ABCB4: variants seen among roughly 807,000 people sequenced by gnomAD.
The protein encoded by ABCB4 is phosphatidylcholine translocator ABCB4.
Under a neutral mutation model 145.7 loss-of-function variants are expected in ABCB4, and 76 were observed. The ratio of observed to expected loss-of-function variants is 0.52; its 90% CI spans 0.43 to 0.63. ABCB4 has a LOEUF of 0.63. Ranked by LOEUF, ABCB4 falls within the 30% of genes least tolerant of loss-of-function variation. The pLI is 0.00. For missense variants in ABCB4, 1,234 were observed against 1,553.1 expected (o/e 0.79, Z 3.45); for synonymous variants, 517 against 566.8 (o/e 0.91, Z 1.25).
chr7:87,458,870 T>C (rs45478992), intron 4 of ABCB4, among the ~76,000 whole-genome samples: 2,297 of 152,184 alleles, frequency 0.015, 61 homozygotes, highest in African/African-American at 0.052. Context: ...TTTATCTCTG[T>C]GTCAACCACA....
Position 87,447,024 on chromosome 7 carries a change from A to G in ABCB4, c.1005+10T>C, listed in dbSNP as rs1811388853. On this transcript the variant is annotated intron_variant, in intron 9 of 27. Coordinates refer to ENST00000649586, the MANE Select transcript of ABCB4 (RefSeq NM_000443.4). ...TCATATTCTTCATAAATGTTAGGAGAACTACTTACTGTCATTGCATTTCCA... is the reference window on the plus strand; with the variant it reads ...TCATATTCTTCATAAATGTTAGGAGGACTACTTACTGTCATTGCATTTCCA... 3 of 1,605,556 alleles carry G rather than the reference A, an allele frequency of 1.9e-6. No individual in the cohort carries two copies. Among genetic ancestry groups the G allele is most frequent in the Non-Finnish European group, 1.7e-6 (2 of 1,172,422 alleles).
At chr7:87,447,447 C>T (rs1318339623) in intron 8 of ABCB4, among the ~76,000 whole-genome samples, 1 of 152,182 alleles carries the variant, frequency 6.6e-6, no homozygotes, top group African/African-American at 2.4e-5. Flanking sequence ...AGCCAACCAA[C>T]ATTCCTGTGG....
chr7:87,455,828 G>A (rs1812066067), intron 4 of ABCB4, among the ~76,000 whole-genome samples: 1 of 151,998 alleles, frequency 6.6e-6, no homozygotes, highest in Non-Finnish European at 1.5e-5. Context: ...TCGTGGTGCT[G>A]TGTATCCTCC....
chr7:87,442,685 TAAAGCA>T (rs1811066592), intron 12 of ABCB4, among the ~76,000 whole-genome samples: 4 of 152,042 alleles, frequency 2.6e-5, no homozygotes, highest in Non-Finnish European at 5.9e-5. Flanking sequence ...GAGAAGATGA[TAAAGCA>T]AGTGGGTCAA....
the ABCB4 span, among the ~76,000 whole-genome samples, chr7:87,371,785 G>A: frequency 6.6e-6 from 1 of 152,044 alleles, no homozygotes; most frequent in Non-Finnish European, 1.5e-5. Context: ...AAGGCCAAGA[G>A]TTGAAGACCA....
At chr7:87,398,820 T>G (rs1807643989), downstream of ABCB4, 1 of 622,538 alleles carries the variant, frequency 1.6e-6, no homozygotes, top group African/African-American at 1.9e-5. Context: ...TATTCTGCCA[T>G]AGAAGGTAGA....
At chr7:87,371,957 G>A in the ABCB4 span, among the ~76,000 whole-genome samples, 115 of 143,326 alleles carry the variant, frequency 8.0e-4, 1 homozygote, top group Admixed American at 8.2e-3. Context: ...TTACGCCACT[G>A]CACTCCAGCC....
intron 4 of ABCB4, 41 bp from the exon 5 acceptor site, chr7:87,454,633 C>T (rs1811991986): frequency 2.1e-6 from 3 of 1,428,514 alleles, no homozygotes; most frequent in South Asian, 1.2e-5. Context: ...AAAGATCAAA[C>T]TATTAATAGG....
chr7:87,379,617 G>T, the ABCB4 span, among the ~76,000 whole-genome samples: 1 of 152,180 alleles, frequency 6.6e-6, no homozygotes, highest in Non-Finnish European at 1.5e-5. Context: ...CTCATAATGA[G>T]CATATCTCTC....
the ABCB4 span, among the ~76,000 whole-genome samples, chr7:87,389,755 A>G: frequency 1.3e-5 from 2 of 152,218 alleles, no homozygotes; most frequent in Admixed American, 1.3e-4. Context: ...CATGTATCCC[A>G]GAACTTTAAA....
chr7:87,416,523 A>G (rs563583866), intron 21 of ABCB4, among the ~76,000 whole-genome samples: 48 of 152,324 alleles, frequency 3.2e-4, no homozygotes, highest in African/African-American at 1.2e-3. Context: ...AAGACTAAGA[A>G]TGTTCATGGT....
At chr7:87,444,655 A>G (rs778260583) in intron 10 of ABCB4, among the ~76,000 whole-genome samples, 3 of 152,170 alleles carry the variant, frequency 2.0e-5, no homozygotes, top group Non-Finnish European at 4.4e-5. Flanking sequence ...GTATTATTAT[A>G]TTATCTAAAG....
chr7:87,422,366 C>T lies in ABCB4; in HGVS notation c.2212-141G>A, dbSNP rs184618543. ...GTTTTGGTAATTGTGGTAAAATATA[C>T]ATAACACAAAATTTACCATTTTAAC... On this transcript the variant is annotated intron_variant, in intron 17 of 27. Coordinates refer to ENST00000649586, the MANE Select transcript of ABCB4 (RefSeq NM_000443.4). 1.1e-5 allele frequency: 8 copies of T among 721,936 alleles called. No individual in the cohort carries two copies. The East Asian group carries it at 1.9e-4, about 17-fold the overall frequency. The allele number at this position is 721,936 out of a possible 1,614,324, so 44.7% of individuals were successfully genotyped here. A position where few individuals can be genotyped will look rare whatever the true frequency, so the allele number is the denominator to read the frequency against.
Position 87,447,602 on chromosome 7 carries a change from CAGTTAGA to C in ABCB4, c.834-404_834-398del, listed in dbSNP as rs201111902. Among the ~76,000 whole-genome samples, 13 of 152,330 alleles carry C rather than the reference CAGTTAGA, an allele frequency of 8.5e-5. No individual in the cohort carries two copies. In the East Asian group the frequency reaches 1.9e-3, roughly 23 times the overall value. ...TGTAAATGTCACTGGAACTCATAAA[CAGTTAGA>C]TTCTTAACTCTGGTCAATGTCTCTT... is the stretch of plus-strand genomic sequence containing the variant. On this transcript the variant is annotated intron_variant, in intron 8 of 27. Coordinates refer to ENST00000649586, the MANE Select transcript of ABCB4 (RefSeq NM_000443.4).
intron 20 of ABCB4, 31 bp from the exon 21 acceptor site, chr7:87,417,546 G>GT: frequency 6.3e-7 from 1 of 1,592,276 alleles, no homozygotes; most frequent in East Asian, 2.2e-5. Flanking sequence ...AGCAACTGTA[G>GT]TTTTAAGCTC....
chr7:87,442,329 A>T (rs1811044941), intron 12 of ABCB4, among the ~76,000 whole-genome samples: 1 of 152,100 alleles, frequency 6.6e-6, no homozygotes, highest in Admixed American at 6.5e-5. Flanking sequence ...TTATGTATTA[A>T]TTCTGGAGAT....
the ABCB4 span, among the ~76,000 whole-genome samples, chr7:87,384,564 GAT>G: frequency 3.9e-5 from 6 of 152,158 alleles, no homozygotes; most frequent in Non-Finnish European, 7.4e-5. Context: ...GTCCATTTTA[GAT>G]CAGATAAATT....
At chr7:87,411,089 C>T (rs575648629) in intron 23 of ABCB4, among the ~76,000 whole-genome samples, 8 of 152,064 alleles carry the variant, frequency 5.3e-5, no homozygotes, top group African/African-American at 1.9e-4. Flanking sequence ...ATTTGCTGTG[C>T]CATTTGTTTC....
intron 17 of ABCB4, chr7:87,423,484 G>A (rs547189772): frequency 1.3e-4 from 29 of 224,622 alleles, no homozygotes; most frequent in African/African-American, 6.4e-4. Flanking sequence ...CTGAGGTACC[G>A]AGAGCTATTG....
Sources: gnomAD v4.1 joint callset for allele counts (sites outside exome capture counted in the v4.1 genomes callset) on GRCh38, gnomAD v4.1.1 for gene constraint, MANE v1.5 for transcripts, NCBI Gene and HGNC (gene_info 2026-07-23, HGNC 2026-07-21) for gene names.